STYK1: variants seen among roughly 807,000 people sequenced by gnomAD.
The protein encoded by STYK1 is tyrosine-protein kinase STYK1.
Under a neutral mutation model 48.1 loss-of-function variants are expected in STYK1, and 46 were observed. The ratio of observed to expected loss-of-function variants is 0.96; its 90% CI spans 0.75 to 1.22. STYK1 has a LOEUF of 1.22. Ranked by LOEUF, STYK1 falls within the 50% of genes most tolerant of loss-of-function variation. STYK1 has a pLI of 0.00. For synonymous variants in STYK1, 188 were observed against 189.0 expected (o/e 0.99, Z 0.04); for missense variants, 527 against 521.1 (o/e 1.01, Z -0.11).
At position 10,634,548 on chromosome 12, in the gene STYK1, C is replaced by A. The variant is rs1947465225; in HGVS notation, c.52+19G>T. On this transcript the variant is annotated intron_variant, in intron 3 of 10. Transcript: ENST00000075503. ...AATTCTAAAATCAGAGGATAGACATCTGTGGAATCCGTACTTACCACACAA... is the reference window on the plus strand; with the variant it reads ...AATTCTAAAATCAGAGGATAGACATATGTGGAATCCGTACTTACCACACAA... The A allele has an allele frequency of 2.5e-6, 4 of 1,611,242 alleles. No homozygotes were observed. The highest frequency in any genetic ancestry group is 3.4e-6 in the Non-Finnish European group (4 of 1,177,434).
At position 10,631,075 on chromosome 12, in the gene STYK1, G is replaced by C; in HGVS notation, c.421C>G (p.Pro141Ala). 6.2e-7 allele frequency: 1 copy of C among 1,614,052 alleles called. No individual in the cohort carries two copies. The highest frequency in any genetic ancestry group is 8.5e-7 in the Non-Finnish European group (1 of 1,180,032). Reference sequence around the variant, plus strand: ...AAAGCCTTGAGAATAACACTCTTGGGCTTAGAAGGGTCCCCAGTGTTCATA... The same window carrying C: ...AAAGCCTTGAGAATAACACTCTTGGCCTTAGAAGGGTCCCCAGTGTTCATA... ...ANMNTGDPSK[P>A]KSVILKALKE... Residue 141 changes from proline (P) to alanine (A), a missense_variant, in exon 5 of 11, where the codon CCC (proline) becomes GCC (alanine). Physicochemically the swap from Pro to Ala is conservative, Grantham distance 27. Transcript: ENST00000075503.
intron 1 of STYK1, among the ~76,000 whole-genome samples, chr12:10,652,476 A>G (rs574459074): frequency 6.6e-6 from 1 of 152,374 alleles, no homozygotes; most frequent in East Asian, 1.9e-4. Context: ...GTATTTCAGA[A>G]ATCCAAGGAA....
chr12:10,663,260 C>T lies in STYK1; in HGVS notation c.-195+10706G>A, dbSNP rs146743023. On this transcript the variant is annotated intron_variant, in intron 1 of 10. Coordinates refer to ENST00000075503, the MANE Select transcript of STYK1 (RefSeq NM_018423.3). ...TCCCAAGTAGCTGGGATTATAGACA[C>T]GTGCCACAGCACCCAGCCCACACAA... Among the ~76,000 whole-genome samples, 272 of 152,156 alleles carry T rather than the reference C, an allele frequency of 1.8e-3. 1 individual carries two copies. The highest frequency in any genetic ancestry group is 5.6e-3 in the African/African-American group (234 of 41,516).
chr12:10,659,876 T>C (rs1947757166), intron 1 of STYK1, among the ~76,000 whole-genome samples: 1 of 152,168 alleles, frequency 6.6e-6, no homozygotes, highest in Non-Finnish European at 1.5e-5. Context: ...AAAATTGTGT[T>C]TCAAGAACTA....
At chr12:10,643,266 CT>C (rs1159771219) in intron 1 of STYK1, among the ~76,000 whole-genome samples, 1 of 152,170 alleles carries the variant, frequency 6.6e-6, no homozygotes, top group African/African-American at 2.4e-5. Flanking sequence ...GCTCTTGCTA[CT>C]AATATAAAAG....
intron 1 of STYK1, among the ~76,000 whole-genome samples, chr12:10,661,215 T>G (rs982551871): frequency 2.0e-5 from 3 of 152,210 alleles, no homozygotes; most frequent in Admixed American, 6.5e-5. Context: ...CTGAAAAGTT[T>G]TTGCCTAATT....
intron 1 of STYK1, among the ~76,000 whole-genome samples, chr12:10,654,922 A>G (rs916456725): frequency 1.3e-5 from 2 of 152,062 alleles, no homozygotes; most frequent in Admixed American, 6.6e-5. Context: ...GAAACTTGAG[A>G]GCTGACTGGA....
chr12:10,670,833 AAT>A (rs958978963), intron 1 of STYK1, among the ~76,000 whole-genome samples: 10 of 149,658 alleles, frequency 6.7e-5, no homozygotes, highest in South Asian at 2.1e-4. Flanking sequence ...GTATATGATA[AAT>A]ATATATATAA....
intron 1 of STYK1, among the ~76,000 whole-genome samples, chr12:10,640,268 C>T (rs1947529091): frequency 6.6e-6 from 1 of 152,174 alleles, no homozygotes; most frequent in Admixed American, 6.5e-5. Flanking sequence ...GGTCTTCATG[C>T]TGTCTCTCTC....
chr12:10,647,107 G>C (rs1278515417), intron 1 of STYK1, among the ~76,000 whole-genome samples: 1 of 152,240 alleles, frequency 6.6e-6, no homozygotes, highest in Non-Finnish European at 1.5e-5. Context: ...CCCTATTGGG[G>C]CACCACCTAG....
intron 1 of STYK1, among the ~76,000 whole-genome samples, chr12:10,652,827 A>G (rs1324009630): frequency 1.3e-5 from 2 of 152,176 alleles, no homozygotes; most frequent in Non-Finnish European, 2.9e-5. Context: ...TATTTGCACC[A>G]ATATAGTCTC....
intron 2 of STYK1, among the ~76,000 whole-genome samples, chr12:10,636,389 T>C (rs1947486049): frequency 6.6e-6 from 1 of 152,246 alleles, no homozygotes; most frequent in African/African-American, 2.4e-5. Flanking sequence ...AAGAGGGAAC[T>C]TCTTATCCTT....
At position 10,624,774 on chromosome 12, in the gene STYK1, C is replaced by T; in HGVS notation, c.803G>A (p.Cys268Tyr). 6.2e-7 allele frequency: 1 copy of T among 1,614,154 alleles called. No individual in the cohort carries two copies. Among genetic ancestry groups the T allele is most frequent in the Non-Finnish European group, 8.5e-7 (1 of 1,180,034 alleles). Residue 268 changes from cysteine to tyrosine, a missense_variant, in exon 8 of 11, where the codon TGT becomes TAT. Physicochemically the swap from Cys to Tyr is radical, Grantham distance 194 (BLOSUM62 -2). Transcript: ENST00000075503. ...LMQSDLTAKL[C>Y]GLGLAYEVYT... ...AACTTCATAAGCCAGGCCTAATCCA[C>T]AGAGCTTAGCAGTGAGATCACTTTG...
intron 1 of STYK1, among the ~76,000 whole-genome samples, chr12:10,645,590 T>A (rs1947590369): frequency 6.6e-6 from 1 of 152,134 alleles, no homozygotes; most frequent in South Asian, 2.1e-4. Flanking sequence ...CACATAAGTA[T>A]CCCAGAAAAA....
At position 10,642,940 on chromosome 12, in the gene STYK1, C is replaced by T. The variant is rs112802191; in HGVS notation, c.-194-5744G>A. ...TCTCTAAATTTTTCAGCTCCTTGTA[C>T]TGGTTCCGCTGATATCACTTATATG... On this transcript the variant is annotated intron_variant, in intron 1 of 10. Transcript: ENST00000075503. Among the ~76,000 whole-genome samples the T allele has an allele frequency of 6.4e-3, 979 of 152,294 alleles. 6 individuals carry two copies. The highest frequency in any genetic ancestry group is 0.022 in the African/African-American group (925 of 41,562).
chr12:10,623,236 A>G (rs1446171011), intron 8 of STYK1, among the ~76,000 whole-genome samples: 1 of 152,240 alleles, frequency 6.6e-6, no homozygotes, highest in African/African-American at 2.4e-5. Context: ...ATTCTGTAAT[A>G]TCATTATTGA....
intron 7 of STYK1, among the ~76,000 whole-genome samples, chr12:10,626,307 C>A (rs1235290494): frequency 1.3e-5 from 2 of 152,170 alleles, no homozygotes; most frequent in Non-Finnish European, 2.9e-5. Context: ...TCTGCAATTG[C>A]GGTTCTGAAT....
At chr12:10,664,854 TA>T (rs1266198408) in intron 1 of STYK1, among the ~76,000 whole-genome samples, 1 of 152,268 alleles carries the variant, frequency 6.6e-6, no homozygotes, top group Non-Finnish European at 1.5e-5. Flanking sequence ...AAAACTGGAA[TA>T]TTTTTCCAAA....
intron 7 of STYK1, 80 bp downstream of exon 7, chr12:10,627,561 T>G: frequency 1.5e-5 from 19 of 1,298,226 alleles, no homozygotes; most frequent in Non-Finnish European, 2.0e-5. Flanking sequence ...CTTGAGAATA[T>G]TAATATGAGA....
Sources: allele counts gnomAD v4.1 joint callset (sites outside exome capture counted in the v4.1 genomes callset), GRCh38; gene constraint gnomAD v4.1.1; transcripts MANE v1.5; gene names NCBI Gene and HGNC (gene_info 2026-07-23, HGNC 2026-07-21).